EYS: variants seen among roughly 807,000 people sequenced by gnomAD.
EYS encodes protein eyes shut homolog.
EYS carries 250 observed loss-of-function variants against 282.1 expected under a neutral mutation model. That is an observed-to-expected ratio of 0.89 (90% CI 0.80 to 0.98). The LOEUF is 0.98. Ranked by LOEUF, EYS falls within the 50% of genes least tolerant of loss-of-function variation. EYS has a pLI of 0.00. For missense variants in EYS, 4,016 were observed against 3,709.0 expected (o/e 1.08, Z -2.15); for synonymous variants, 1,355 against 1,282.9 (o/e 1.06, Z -1.20).
At chr6:64,414,989 A>G (rs68016062) in intron 28 of EYS, among the ~76,000 whole-genome samples, 42,143 of 152,114 alleles carry the variant, frequency 0.28, 5,959 homozygotes, top group East Asian at 0.46. Context: ...GGAGAGGATG[A>G]GTATGTCTCT....
chr6:64,611,117 G>C (rs1258817783), intron 24 of EYS, among the ~76,000 whole-genome samples: 2 of 152,166 alleles, frequency 1.3e-5, no homozygotes, highest in African/African-American at 4.8e-5. Context: ...TCTGTTACCA[G>C]AGCCTAATTG....
At chr6:64,569,234 T>C (rs540931898) in intron 26 of EYS, among the ~76,000 whole-genome samples, 4 of 151,888 alleles carry the variant, frequency 2.6e-5, no homozygotes, top group African/African-American at 9.6e-5. Flanking sequence ...GAAAGGAAGC[T>C]AAGAACCTTG....
chr6:65,680,237 T>A (rs1308446693), intron 1 of EYS, among the ~76,000 whole-genome samples: 2 of 151,916 alleles, frequency 1.3e-5, no homozygotes, highest in East Asian at 1.9e-4. Flanking sequence ...TCACACTTGA[T>A]AATCCATACT....
chr6:64,177,673 A>G (rs560583517), intron 31 of EYS, among the ~76,000 whole-genome samples: 1 of 152,108 alleles, frequency 6.6e-6, no homozygotes. Flanking sequence ...GTGCTGTAAG[A>G]GCCCTGTGTG....
intron 2 of EYS, among the ~76,000 whole-genome samples, chr6:65,506,153 T>C (rs952620051): frequency 1.3e-5 from 2 of 152,148 alleles, no homozygotes; most frequent in Admixed American, 6.6e-5. Flanking sequence ...GTACTGAAGA[T>C]TTCTTTTGAT....
chr6:63,863,653 CTTTTCTTTTCTTTTCTT>C (rs1473572313), intron 36 of EYS, among the ~76,000 whole-genome samples: 12 of 5,670 alleles, frequency 2.1e-3, no homozygotes, highest in South Asian at 0.042. Flanking sequence ...CTTTTCTTTT[CTTTTCTTTTCTTTTCTT>C]TTTTCTTTTT....
chr6:64,810,990 A>C (rs1336058082), intron 22 of EYS, among the ~76,000 whole-genome samples: 1 of 152,106 alleles, frequency 6.6e-6, no homozygotes, highest in Non-Finnish European at 1.5e-5. Flanking sequence ...CAATAAGTTC[A>C]ATTTTCTTCT....
At chr6:64,544,222 G>T (rs550802538) in intron 26 of EYS, among the ~76,000 whole-genome samples, 104 of 152,192 alleles carry the variant, frequency 6.8e-4, no homozygotes, top group African/African-American at 2.4e-3. Flanking sequence ...CTGTACACTC[G>T]CTAAGAGAAT....
At chr6:65,122,499 TATCTC>T (rs1437692681) in intron 12 of EYS, among the ~76,000 whole-genome samples, 6 of 152,236 alleles carry the variant, frequency 3.9e-5, no homozygotes, top group East Asian at 1.9e-4. Flanking sequence ...TTTGCAGTCT[TATCTC>T]AGCAAAACAA....
chr6:64,296,058 T>A (rs1238117801), intron 30 of EYS, among the ~76,000 whole-genome samples: 1 of 152,220 alleles, frequency 6.6e-6, no homozygotes, highest in Non-Finnish European at 1.5e-5. Flanking sequence ...AATGTTAATT[T>A]AATTGAGTAT....
chr6:64,422,317 G>A (rs1366206214), intron 28 of EYS, among the ~76,000 whole-genome samples: 2 of 152,074 alleles, frequency 1.3e-5, no homozygotes, highest in Non-Finnish European at 2.9e-5. Context: ...ATAAGTGTGG[G>A]GCATCTGTGC....
At chr6:65,279,366 A>G (rs1010673834) in intron 12 of EYS, among the ~76,000 whole-genome samples, 1 of 152,098 alleles carries the variant, frequency 6.6e-6, no homozygotes, top group East Asian at 1.9e-4. Context: ...TCCCTTTGCT[A>G]TCAATCTAAA....
chr6:64,941,578 A>G (rs1166042259), intron 15 of EYS, among the ~76,000 whole-genome samples: 3 of 152,048 alleles, frequency 2.0e-5, no homozygotes, highest in Non-Finnish European at 4.4e-5. Flanking sequence ...CATAGTATCC[A>G]ACAGTCAGTT....
intron 24 of EYS, among the ~76,000 whole-genome samples, chr6:64,598,068 A>G (rs1766643313): frequency 6.6e-6 from 1 of 152,226 alleles, no homozygotes; most frequent in Non-Finnish European, 1.5e-5. Context: ...CTGTGTATAA[A>G]AACTTAAACA....
At chr6:65,391,841 A>G in intron 7 of EYS, among the ~76,000 whole-genome samples, 1 of 152,136 alleles carries the variant, frequency 6.6e-6, no homozygotes, top group East Asian at 1.9e-4. Context: ...ATATGGAACC[A>G]AAAAAGAGCC....
intron 22 of EYS, among the ~76,000 whole-genome samples, chr6:64,772,556 T>C (rs753361781): frequency 4.0e-5 from 6 of 151,692 alleles, no homozygotes; most frequent in Non-Finnish European, 7.4e-5. Flanking sequence ...AGTAAACTAC[T>C]GTTGACTGTA....
At chr6:65,253,719 T>C (rs1030538982) in intron 12 of EYS, among the ~76,000 whole-genome samples, 3 of 151,890 alleles carry the variant, frequency 2.0e-5, no homozygotes, top group East Asian at 1.9e-4. Context: ...ATATTTGAGC[T>C]AGATTCATAA....
intron 32 of EYS, among the ~76,000 whole-genome samples, chr6:64,074,586 TG>T (rs1771700871): frequency 1.3e-5 from 2 of 151,676 alleles, no homozygotes; most frequent in Admixed American, 6.6e-5. Flanking sequence ...ATCAACAATT[TG>T]AATTGAGATC....
intron 22 of EYS, among the ~76,000 whole-genome samples, chr6:64,667,931 T>C (rs866879063): frequency 6.6e-6 from 1 of 152,188 alleles, no homozygotes; most frequent in Admixed American, 6.5e-5. Flanking sequence ...AACTTTAGCA[T>C]GCATCATAAC....
Sources: allele counts gnomAD v4.1 joint callset (sites outside exome capture counted in the v4.1 genomes callset), GRCh38; gene constraint gnomAD v4.1.1; transcripts MANE v1.5; gene names NCBI Gene and HGNC (gene_info 2026-07-23, HGNC 2026-07-21).